The following SH3RF1 variants were observed in gnomAD, a reference collection of about 807,000 sequenced individuals.
The protein encoded by SH3RF1 is SH3 domain containing ring finger 1.
Under a neutral mutation model 74.0 loss-of-function variants are expected in SH3RF1, and 32 were observed. That is an observed-to-expected ratio of 0.43 (90% CI 0.33 to 0.58). The LOEUF (loss-of-function observed/expected upper bound fraction) is 0.58, where lower values mean the gene tolerates loss of function less well. Ranked by LOEUF, SH3RF1 falls within the 20% of genes least tolerant of loss-of-function variation. The pLI is 0.05. For synonymous variants in SH3RF1, 396 were observed against 439.6 expected, an observed-to-expected ratio of 0.90 and a Z score of 1.24; for missense variants, 954 against 1,130.9, an observed-to-expected ratio of 0.84 and a Z score of 2.24.
chr4:169,245,917 T>C (rs1017690398), intron 2 of SH3RF1, among the ~76,000 whole-genome samples: 5 of 152,220 alleles, frequency 3.3e-5, no homozygotes, highest in African/African-American at 1.2e-4. Context: ...TAGTTTTTAA[T>C]CAAAGGCAGG....
intron 2 of SH3RF1, among the ~76,000 whole-genome samples, chr4:169,192,499 T>C (rs1325699879): frequency 6.6e-6 from 1 of 152,062 alleles, no homozygotes; most frequent in Non-Finnish European, 1.5e-5. Context: ...GATGCTGGCA[T>C]GGCTGCAGTG....
intron 6 of SH3RF1, among the ~76,000 whole-genome samples, chr4:169,124,899 C>T (rs980200512): frequency 6.6e-6 from 1 of 152,156 alleles, no homozygotes; most frequent in African/African-American, 2.4e-5. Context: ...CACACGTAGC[C>T]TTTCATTCAC....
intron 4 of SH3RF1, among the ~76,000 whole-genome samples, chr4:169,148,720 GTTTT>G: frequency 6.6e-6 from 1 of 151,914 alleles, no homozygotes; most frequent in African/African-American, 2.4e-5. Context: ...AGGAGAGGGG[GTTTT>G]TTTTGGTTCT....
At chr4:169,164,044 G>A (rs1013342272) in intron 2 of SH3RF1, among the ~76,000 whole-genome samples, 1 of 152,184 alleles carries the variant, frequency 6.6e-6, no homozygotes, top group African/African-American at 2.4e-5. Context: ...CCTTGGGGAA[G>A]CTTCTCCCAA....
intron 2 of SH3RF1, among the ~76,000 whole-genome samples, chr4:169,256,784 G>A (rs1731200316): frequency 6.6e-6 from 1 of 152,038 alleles, no homozygotes. Flanking sequence ...AAATTTAGAA[G>A]GGGGATGGGG....
chr4:169,141,137 T>C (rs1733778740), intron 4 of SH3RF1, among the ~76,000 whole-genome samples: 1 of 152,174 alleles, frequency 6.6e-6, no homozygotes. Flanking sequence ...GTAAAAGGCC[T>C]CAGCCAGTTC....
chr4:169,206,284 T>C (rs1334857610), intron 2 of SH3RF1, among the ~76,000 whole-genome samples: 1 of 152,216 alleles, frequency 6.6e-6, no homozygotes, highest in Non-Finnish European at 1.5e-5. Context: ...AAAATGGATA[T>C]TTGAAGTCCC....
At chr4:169,178,374 A>C (rs1486873258) in intron 2 of SH3RF1, among the ~76,000 whole-genome samples, 2 of 64,462 alleles carry the variant, frequency 3.1e-5, no homozygotes, top group African/African-American at 5.5e-5. Context: ...AAGCATTGTT[A>C]TGTTTTGAGG....
intron 2 of SH3RF1, among the ~76,000 whole-genome samples, chr4:169,245,322 A>G (rs1374178913): frequency 2.6e-5 from 4 of 152,220 alleles, no homozygotes; most frequent in Admixed American, 6.5e-5. Context: ...ATTTAAGCCT[A>G]TATCTATGGA....
intron 5 of SH3RF1, among the ~76,000 whole-genome samples, chr4:169,133,908 C>G (rs1446655194): frequency 6.6e-6 from 1 of 152,226 alleles, no homozygotes; most frequent in Non-Finnish European, 1.5e-5. Flanking sequence ...CAGCCAGGCT[C>G]TTTGCTGGGC....
At chr4:169,141,890 G>GC (rs1733793594) in intron 4 of SH3RF1, among the ~76,000 whole-genome samples, 1 of 148,766 alleles carries the variant, frequency 6.7e-6, no homozygotes, top group South Asian at 2.1e-4. Flanking sequence ...TCGGCTCACT[G>GC]CAAGTTCTGC....
intron 7 of SH3RF1, among the ~76,000 whole-genome samples, chr4:169,121,854 A>G (rs968096046): frequency 2.0e-5 from 3 of 152,252 alleles, no homozygotes; most frequent in Admixed American, 6.5e-5. Flanking sequence ...AAGTTCAAAC[A>G]GGAGTTGTAC....
intron 2 of SH3RF1, among the ~76,000 whole-genome samples, chr4:169,263,009 C>T (rs982072947): frequency 6.6e-6 from 1 of 151,714 alleles, no homozygotes; most frequent in Non-Finnish European, 1.5e-5. Context: ...AAACAAAACC[C>T]ACCTTTTCCG....
intron 2 of SH3RF1, among the ~76,000 whole-genome samples, chr4:169,241,417 C>G (rs940897165): frequency 7.9e-5 from 12 of 152,194 alleles, no homozygotes; most frequent in African/African-American, 2.7e-4. Flanking sequence ...ACCCCCAATT[C>G]TGCATAGGAT....
chr4:169,108,373 C>G (rs1733181955), intron 10 of SH3RF1, among the ~76,000 whole-genome samples: 1 of 152,168 alleles, frequency 6.6e-6, no homozygotes, highest in Non-Finnish European at 1.5e-5. Context: ...GAATCTAAAT[C>G]CCTAACAACA....
chr4:169,222,285 G>A (rs944110127), intron 2 of SH3RF1, among the ~76,000 whole-genome samples: 3 of 152,030 alleles, frequency 2.0e-5, no homozygotes, highest in African/African-American at 4.8e-5. Context: ...CCAACATGGT[G>A]AAACCCCGTC....
chr4:169,269,060 C>T lies in SH3RF1; in HGVS notation c.153G>A (p.Glu51=), dbSNP rs757999763. 3.7e-6 allele frequency: 6 copies of T among 1,614,100 alleles called. No homozygotes were observed. Among genetic ancestry groups the T allele is most frequent in the Non-Finnish European group, 5.1e-6 (6 of 1,180,048 alleles). Residue 51 remains glutamate, a synonymous_variant, in exon 2 of 12, where the codon GAG becomes GAA. Transcript: ENST00000284637. The stretch of plus-strand genomic sequence containing the variant: ...CACCCGAGCCAACAAGAGTCCTGCA[C>T]TCGGGACATCTGAGTTCATTTCGAG... ...VGSRNELRCP[E]CRTLVGSGVE... is the part of the protein sequence containing the mutation.
chr4:169,189,240 A>G (rs988068528), intron 2 of SH3RF1, among the ~76,000 whole-genome samples: 1 of 152,278 alleles, frequency 6.6e-6, no homozygotes, highest in African/African-American at 2.4e-5. Flanking sequence ...ACTTAAATTC[A>G]GAAAAAACTA....
At chr4:169,158,515 T>G (rs1323061321) in intron 2 of SH3RF1, among the ~76,000 whole-genome samples, 1 of 152,208 alleles carries the variant, frequency 6.6e-6, no homozygotes, top group Non-Finnish European at 1.5e-5. Context: ...GCTGCGTTCT[T>G]CTGGTAATGG....
Sources: allele counts gnomAD v4.1 joint callset (sites outside exome capture counted in the v4.1 genomes callset), GRCh38; gene constraint gnomAD v4.1.1; transcripts MANE v1.5; gene names NCBI Gene and HGNC (gene_info 2026-07-23, HGNC 2026-07-21).